The following ARMH3 variants were observed in gnomAD, a reference collection of about 807,000 sequenced individuals.
ARMH3 encodes the protein armadillo like helical domain containing 3.
ARMH3 carries 60 observed loss-of-function variants against 99.1 expected under a neutral mutation model. That is an observed-to-expected ratio of 0.61 (90% confidence interval 0.49 to 0.75). The LOEUF (loss-of-function observed/expected upper bound fraction) is 0.75, where lower values mean the gene tolerates loss of function less well. Among genes scored for constraint, ARMH3 ranks in the 30% least tolerant of loss-of-function variants. The probability of loss-of-function intolerance (pLI) is 0.00; values close to 1 mark genes in which losing one functional copy is unlikely to be tolerated. For missense variants in ARMH3, 679 were observed against 843.1 expected (o/e 0.81, Z 2.41); for synonymous variants, 285 against 292.8 (o/e 0.97, Z 0.27).
intron 24 of ARMH3, among the ~76,000 whole-genome samples, chr10:101,866,407 T>C (rs533390799): frequency 6.6e-6 from 1 of 150,632 alleles, no homozygotes; most frequent in Non-Finnish European, 1.5e-5. Flanking sequence ...TTGCTTGATA[T>C]GTACCACAGA....
At chr10:101,848,077 G>A (rs1041117161) in intron 25 of ARMH3, among the ~76,000 whole-genome samples, 1 of 152,194 alleles carries the variant, frequency 6.6e-6, no homozygotes, top group African/African-American at 2.4e-5. Flanking sequence ...ACATTTTGGG[G>A]TTAGAAGGAG....
Position 101,866,913 on chromosome 10 carries a change from AAAAC to A in ARMH3, c.1861-17025_1861-17022del, listed in dbSNP as rs200997945. Among the ~76,000 whole-genome samples the A allele has an allele frequency of 6.0e-4, 92 of 152,316 alleles. 1 individual carries two copies. The highest frequency in any genetic ancestry group is 1.9e-3 in the South Asian group (9 of 4,834). Reference sequence around the variant, plus strand: ...GTCTGTCTGTAAAAACAAACAAACAAAAACAAACAAACAAACAAAAAGAATGAAC... The same window carrying A: ...GTCTGTCTGTAAAAACAAACAAACAAAAACAAACAAACAAAAAGAATGAAC... On this transcript the variant is annotated intron_variant, in intron 24 of 25. Transcript: ENST00000370033.
chr10:102,008,288 C>T (rs566684539), intron 13 of ARMH3, among the ~76,000 whole-genome samples: 2 of 152,314 alleles, frequency 1.3e-5, no homozygotes, highest in South Asian at 4.1e-4. Context: ...ATTCCATATA[C>T]ATCTACCCTT....
At chr10:101,928,628 C>T (rs566216554) in intron 23 of ARMH3, among the ~76,000 whole-genome samples, 1 of 152,340 alleles carries the variant, frequency 6.6e-6, no homozygotes, top group South Asian at 2.1e-4. Context: ...ATGATTATGC[C>T]ACTGCACTCC....
chr10:102,041,100 T>TATATATATATA (rs1345962287), intron 1 of ARMH3, among the ~76,000 whole-genome samples: 5 of 146,152 alleles, frequency 3.4e-5, no homozygotes, highest in Non-Finnish European at 7.5e-5. Context: ...AATATATATA[T>TATATATATATA]ATATATATAT....
At chr10:101,944,273 TAGAGAGAGAGAGAGAGAGAGAG>T (rs55633048) in intron 22 of ARMH3, among the ~76,000 whole-genome samples, 43 of 25,392 alleles carry the variant, frequency 1.7e-3, no homozygotes, top group South Asian at 5.7e-3. Flanking sequence ...TATATATATA[TAGAGAGAGAGAGAGAGAGAGAG>T]AGAGAGAGAG....
At chr10:101,900,011 A>C (rs1197129720) in intron 23 of ARMH3, among the ~76,000 whole-genome samples, 1 of 152,244 alleles carries the variant, frequency 6.6e-6, no homozygotes, top group African/African-American at 2.4e-5. Context: ...TGGACCATCT[A>C]CATTTCCATA....
Position 101,935,805 on chromosome 10 carries a change from C to T in ARMH3, c.1781+4058G>A, listed in dbSNP as rs372902103. ...CAGCACAAATACCTTTTATAAACAG[C>T]AGAAACAAATGCTGCACAACATCAG... is the stretch of plus-strand genomic sequence containing the variant. On this transcript the variant is annotated intron_variant, in intron 23 of 25. Transcript: ENST00000370033. Among the ~76,000 whole-genome samples, 54 of 152,308 alleles carry T rather than the reference C, an allele frequency of 3.5e-4. 1 individual carries two copies. The South Asian group carries it at 0.011, about 32-fold the overall frequency.
chr10:101,990,392 C>G (rs1347840664), intron 19 of ARMH3, among the ~76,000 whole-genome samples, 159 bp downstream of exon 19: 2 of 152,014 alleles, frequency 1.3e-5, no homozygotes, highest in East Asian at 3.9e-4. Flanking sequence ...ACCGTGGTCT[C>G]GATCTCCTGA....
At chr10:101,899,016 G>T (rs1301929002) in intron 23 of ARMH3, among the ~76,000 whole-genome samples, 1 of 152,186 alleles carries the variant, frequency 6.6e-6, no homozygotes, top group African/African-American at 2.4e-5. Context: ...GAACAACATG[G>T]TTCATACAGA....
At chr10:101,867,994 A>T (rs1193207994) in intron 24 of ARMH3, among the ~76,000 whole-genome samples, 1 of 151,948 alleles carries the variant, frequency 6.6e-6, no homozygotes, top group African/African-American at 2.4e-5. Context: ...AAAAAAAAGA[A>T]TTGGAAAAAG....
intron 5 of ARMH3, among the ~76,000 whole-genome samples, chr10:102,026,841 T>C (rs1457510390): frequency 1.3e-5 from 2 of 152,178 alleles, no homozygotes; most frequent in Non-Finnish European, 2.9e-5. Flanking sequence ...GTGTGGATGA[T>C]GGATTTAAAG....
At chr10:102,000,535 G>T (rs2066330836) in intron 15 of ARMH3, among the ~76,000 whole-genome samples, 1 of 151,174 alleles carries the variant, frequency 6.6e-6, no homozygotes, top group African/African-American at 2.4e-5. Context: ...AAGGCGGGCA[G>T]ATCACTTGAG....
Position 101,957,685 on chromosome 10 carries a change from A to G in ARMH3, c.1543T>C (p.Leu515=). 6.2e-7 allele frequency: 1 copy of G among 1,611,106 alleles called. No individual in the cohort carries two copies. Among genetic ancestry groups the G allele is most frequent in the Non-Finnish European group, 8.5e-7 (1 of 1,179,090 alleles). Residue 515 remains leucine (L), a synonymous_variant, in exon 21 of 26, where the codon TTG becomes CTG. Coordinates refer to ENST00000370033, the MANE Select transcript of ARMH3 (RefSeq NM_024541.3). ...AATGTAAAAATGTTGTGTTTGGCCA[A>G]AAGTACAGTCTCATTTGACATAAGG... ...KFLMSNETVL[L]AKHNIFTLAL...
chr10:102,014,133 G>A, intron 8 of ARMH3, 109 bp from the exon 9 acceptor site: 4 of 773,426 alleles, frequency 5.2e-6, no homozygotes, highest in Non-Finnish European at 8.5e-6. Context: ...TCTCTCTACA[G>A]TGATGCTCCT....
At chr10:101,969,254 T>C (rs1845668518) in intron 20 of ARMH3, among the ~76,000 whole-genome samples, 2 of 152,228 alleles carry the variant, frequency 1.3e-5, no homozygotes, top group Admixed American at 6.5e-5. Context: ...AAACTCTATA[T>C]ACTATTTTTG....
At chr10:102,045,509 G>C (rs1209878428) in intron 1 of ARMH3, among the ~76,000 whole-genome samples, 1 of 152,144 alleles carries the variant, frequency 6.6e-6, no homozygotes, top group Non-Finnish European at 1.5e-5. Flanking sequence ...TGTTCGAGAT[G>C]GAATGTCAAG....
chr10:101,888,460 G>C (rs1469399953), intron 24 of ARMH3, among the ~76,000 whole-genome samples: 1 of 152,244 alleles, frequency 6.6e-6, no homozygotes, highest in African/African-American at 2.4e-5. Context: ...GGAATACTGA[G>C]AAGCTTGTCT....
intron 23 of ARMH3, among the ~76,000 whole-genome samples, chr10:101,895,518 A>G (rs2067805175): frequency 1.3e-5 from 2 of 152,250 alleles, no homozygotes; most frequent in Middle Eastern, 6.8e-3. Context: ...TGACCTCATG[A>G]TCCGCCTGCC....
Sources: allele counts gnomAD v4.1 joint callset (sites outside exome capture counted in the v4.1 genomes callset), GRCh38; gene constraint gnomAD v4.1.1; transcripts MANE v1.5; gene names NCBI Gene and HGNC (gene_info 2026-07-23, HGNC 2026-07-21).